BAZ2B: variants seen among roughly 807,000 people sequenced by gnomAD.
The protein encoded by BAZ2B is bromodomain adjacent to zinc finger domain 2B, also known as bromodomain adjacent to zinc finger domain protein 2B.
Under a neutral mutation model 246.0 loss-of-function variants are expected in BAZ2B, and 91 were observed. That is an observed-to-expected ratio of 0.37 (90% CI 0.31 to 0.44). The LOEUF (loss-of-function observed/expected upper bound fraction) is 0.44, where lower values mean the gene tolerates loss of function less well. Among genes scored for constraint, BAZ2B ranks in the 20% least tolerant of loss-of-function variants. The pLI is 1.00. For synonymous variants in BAZ2B, 855 were observed against 860.0 expected, an observed-to-expected ratio of 0.99 and a Z score of 0.10; for missense variants, 2,332 against 2,533.7, an observed-to-expected ratio of 0.92 and a Z score of 1.71.
At chr2:159,584,997 C>T (rs1687722534) in intron 1 of BAZ2B, among the ~76,000 whole-genome samples, 1 of 152,178 alleles carries the variant, frequency 6.6e-6, no homozygotes, top group South Asian at 2.1e-4. Flanking sequence ...GAAGCAGATG[C>T]CACTATACTT....
At chr2:159,335,543 CAA>C (rs10590482) in intron 33 of BAZ2B, among the ~76,000 whole-genome samples, 91,960 of 112,248 alleles carry the variant, frequency 0.82, 37,693 homozygotes, top group East Asian at 0.93. Context: ...GACTCTGTCT[CAA>C]AAAAAAAAAA....
chr2:159,565,833 C>A (rs988482149), intron 1 of BAZ2B, among the ~76,000 whole-genome samples: 2 of 150,260 alleles, frequency 1.3e-5, no homozygotes, highest in African/African-American at 4.9e-5. Flanking sequence ...TTGTATCTGT[C>A]CTTGCTGCTG....
intron 7 of BAZ2B, 70 bp from the exon 8 acceptor site, chr2:159,438,765 G>A: frequency 1.3e-6 from 2 of 1,485,060 alleles, no homozygotes; most frequent in Non-Finnish European, 1.8e-6. Flanking sequence ...AGTAAAACCT[G>A]GAGATAAAAA....
intron 27 of BAZ2B, among the ~76,000 whole-genome samples, chr2:159,351,036 A>C (rs1011695532): frequency 6.6e-6 from 1 of 152,160 alleles, no homozygotes; most frequent in African/African-American, 2.4e-5. Context: ...GTGCACATGT[A>C]CCCTAAAACT....
intron 1 of BAZ2B, among the ~76,000 whole-genome samples, chr2:159,564,657 A>G (rs779270400): frequency 6.6e-6 from 1 of 152,216 alleles, no homozygotes; most frequent in African/African-American, 2.4e-5. Flanking sequence ...AACTGGGTAA[A>G]TGACATTGCC....
chr2:159,700,631 G>C, the BAZ2B span, among the ~76,000 whole-genome samples: 14 of 152,250 alleles, frequency 9.2e-5, no homozygotes, highest in Admixed American at 6.5e-4. Context: ...TTTTTTTGTA[G>C]AGACAGGGTT....
chr2:159,677,041 C>T, the BAZ2B span, among the ~76,000 whole-genome samples: 5 of 144,092 alleles, frequency 3.5e-5, no homozygotes, highest in African/African-American at 1.0e-4. Context: ...AAATTGTCAG[C>T]CCTTATTGGA....
At chr2:159,392,026 A>C (rs565313698) in intron 20 of BAZ2B, 5 of 152,322 alleles carry the variant, frequency 3.3e-5, no homozygotes, top group African/African-American at 1.2e-4. Flanking sequence ...TGGCATATAA[A>C]GCCAGTCACA....
intron 2 of BAZ2B, among the ~76,000 whole-genome samples, chr2:159,496,771 G>C (rs1447402758): frequency 2.9e-5 from 3 of 102,180 alleles, no homozygotes; most frequent in African/African-American, 1.2e-4. Context: ...CAACAAGAGG[G>C]AAACTCCGTC....
intron 2 of BAZ2B, among the ~76,000 whole-genome samples, chr2:159,536,499 T>C (rs928224970): frequency 6.6e-6 from 1 of 152,206 alleles, no homozygotes; most frequent in Non-Finnish European, 1.5e-5. Flanking sequence ...ATGCATACCA[T>C]GTGTGTTAGT....
At chr2:159,572,368 T>C (rs937906379) in intron 1 of BAZ2B, among the ~76,000 whole-genome samples, 5 of 152,190 alleles carry the variant, frequency 3.3e-5, no homozygotes, top group Non-Finnish European at 7.3e-5. Context: ...TACTGGTGGC[T>C]GGCATCTGAA....
chr2:159,325,938 T>C lies in BAZ2B; in HGVS notation c.5944-20A>G, dbSNP rs2063654113. The C allele has an allele frequency of 6.4e-7, 1 of 1,550,636 alleles. No homozygotes were observed. The highest frequency in any genetic ancestry group is 1.2e-5 in the South Asian group (1 of 82,222). ...ACTTGCCTTTAATTTAAAAAAAAAG[T>C]AAATGAGGTGTAAGAAAGTGACTGT... On this transcript the variant is annotated intron_variant, in intron 34 of 36. Transcript: ENST00000392783.
At chr2:159,484,889 T>C (rs1469974767) in intron 2 of BAZ2B, among the ~76,000 whole-genome samples, 1 of 151,996 alleles carries the variant, frequency 6.6e-6, no homozygotes, top group Non-Finnish European at 1.5e-5. Flanking sequence ...CAAATAAAAA[T>C]AGACTTAGAT....
intron 34 of BAZ2B, among the ~76,000 whole-genome samples, chr2:159,328,231 T>C (rs1162761550): frequency 6.6e-6 from 1 of 152,200 alleles, no homozygotes; most frequent in Non-Finnish European, 1.5e-5. Context: ...GTTACTCTGT[T>C]ACCTGATTAC....
rs2085047587 is a variant in BAZ2B at position 159,528,917 on chromosome 2, C to G, written c.-3+26906G>C. On this transcript the variant is annotated intron_variant, in intron 2 of 36. Coordinates refer to ENST00000392783, the MANE Select transcript of BAZ2B (RefSeq NM_013450.4). Reference sequence around the variant, plus strand: ...AAAAAGTTGTTAAATAAAACAAAACCCTTTGGATACAGGAAGGGGAACATC... The same window carrying G: ...AAAAAGTTGTTAAATAAAACAAAACGCTTTGGATACAGGAAGGGGAACATC... Among the ~76,000 whole-genome samples, 3 of 139,170 alleles carry G rather than the reference C, an allele frequency of 2.2e-5. No individual in the cohort carries two copies. The South Asian group carries it at 6.8e-4, about 32-fold the overall frequency. The allele number at this position is 139,170 out of a possible 152,430, so 91.3% of individuals were successfully genotyped here.
chr2:159,382,517 A>G lies in BAZ2B; in HGVS notation c.4005+42T>C. On this transcript the variant is annotated intron_variant, in intron 25 of 36. Transcript: ENST00000392783. ...CAAATTCTGTTTTTAAAAATATGTT[A>G]TGCAGTTCTAGTTGTCTTAAAATCA... The G allele has an allele frequency of 3.3e-6, 5 of 1,524,468 alleles. No homozygotes were observed. The South Asian group carries it at 3.7e-5, about 11-fold the overall frequency. The allele number at this position is 1,524,468 out of a possible 1,614,324, so 94.4% of individuals were successfully genotyped here. A position where few individuals can be genotyped will look rare whatever the true frequency, so the allele number is the denominator to read the frequency against.
At chr2:159,691,766 G>A in the BAZ2B span, among the ~76,000 whole-genome samples, 1 of 152,158 alleles carries the variant, frequency 6.6e-6, no homozygotes, top group East Asian at 1.9e-4. Flanking sequence ...CATGAGAATT[G>A]CAAAAGATCA....
At position 159,423,536 on chromosome 2, in the gene BAZ2B, AT is replaced by A. The variant is rs574058629; in HGVS notation, c.2466+4404del. On this transcript the variant is annotated intron_variant, in intron 13 of 36. Coordinates refer to ENST00000392783, the MANE Select transcript of BAZ2B (RefSeq NM_013450.4). ...CTACTGGGTATATACCCAAAGGAAA[AT>A]AAATTGTTCTACCAAAAAGACACAT... Among the ~76,000 whole-genome samples, 789 of 152,306 alleles carry A rather than the reference AT, an allele frequency of 5.2e-3. 6 individuals carry two copies. Among genetic ancestry groups the A allele is most frequent in the Non-Finnish European group, 7.1e-3 (483 of 68,018 alleles).
At chr2:159,576,309 G>A (rs545739598) in intron 1 of BAZ2B, among the ~76,000 whole-genome samples, 29 of 152,116 alleles carry the variant, frequency 1.9e-4, no homozygotes, top group African/African-American at 5.3e-4. Flanking sequence ...GCATAACATC[G>A]ATGTGGTCAA....
Sources: allele counts gnomAD v4.1 joint callset (sites outside exome capture counted in the v4.1 genomes callset), GRCh38; gene constraint gnomAD v4.1.1; transcripts MANE v1.5; gene names NCBI Gene and HGNC (gene_info 2026-07-23, HGNC 2026-07-21).